Variants in HHLA1 observed in about 807,000 individuals in gnomAD.
HHLA1 encodes HERV-H LTR-associating protein 1.
HHLA1 carries 72 observed loss-of-function variants against 69.9 expected under a neutral mutation model. The ratio of observed to expected loss-of-function variants is 1.03; its 90% confidence interval spans 0.85 to 1.25. HHLA1 has a LOEUF of 1.25. Among genes scored for constraint, HHLA1 ranks in the 50% most tolerant of loss-of-function variants. The probability of loss-of-function intolerance (pLI) is 0.00; values close to 1 mark genes in which losing one functional copy is unlikely to be tolerated. For missense variants in HHLA1, 685 were observed against 642.2 expected (o/e 1.07, Z -0.72); for synonymous variants, 252 against 233.2 (o/e 1.08, Z -0.73).
intron 1 of HHLA1, among the ~76,000 whole-genome samples, chr8:132,106,359 A>G (rs1824201790): frequency 6.6e-6 from 1 of 152,218 alleles, no homozygotes; most frequent in Non-Finnish European, 1.5e-5. Context: ...TCCCAGAAAC[A>G]TTTAAATAGC....
intron 11 of HHLA1, among the ~76,000 whole-genome samples, chr8:132,078,826 A>T (rs895822845): frequency 1.3e-5 from 2 of 152,202 alleles, no homozygotes; most frequent in African/African-American, 4.8e-5. Context: ...AATTCTGATG[A>T]CTGAATGAAT....
intron 15 of HHLA1, among the ~76,000 whole-genome samples, chr8:132,070,583 TATCTC>T (rs1823516055): frequency 6.6e-6 from 1 of 151,588 alleles, no homozygotes; most frequent in South Asian, 2.1e-4. Context: ...CAATTCAACT[TATCTC>T]AACTCAACTC....
At chr8:132,077,642 C>T in intron 12 of HHLA1, 84 bp downstream of exon 12, 1 of 1,400,130 alleles carries the variant, frequency 7.1e-7, no homozygotes, top group African/African-American at 1.4e-5. Context: ...GTATTATATT[C>T]CAAAAATTTA....
At position 132,077,963 on chromosome 8, in the gene HHLA1, T is replaced by A. The variant is rs766497069; in HGVS notation, c.934A>T (p.Arg312Trp). The change falls in exon 12 of 17, where the codon AGG (arginine) becomes TGG (tryptophan). Residue 312 changes from arginine (R) to tryptophan (W), a missense_variant. Physicochemically the swap from Arg to Trp is moderately radical, Grantham distance 101. Coordinates refer to ENST00000414222, the MANE Select transcript of HHLA1 (RefSeq NM_001145095.3). ...GTCAACCACTGAGTTCTGGCCACCC[T>A]CCTGGTAGCTGCACATTCAAAGTGA... The part of the protein sequence containing the change: ...SHTLPALATR[R>W]VARTQWLTAD... 1.9e-6 allele frequency: 3 copies of A among 1,551,500 alleles called. No individual in the cohort carries two copies. The African/African-American group carries it at 4.1e-5, about 21-fold the overall frequency.
intron 15 of HHLA1, among the ~76,000 whole-genome samples, chr8:132,071,013 C>A (rs1016919056): frequency 1.3e-5 from 2 of 152,090 alleles, no homozygotes; most frequent in East Asian, 1.9e-4. Flanking sequence ...CAACTCAACT[C>A]ATCTCAACTC....
chr8:132,087,836 G>A lies in HHLA1; in HGVS notation c.589+9C>T, dbSNP rs1171651811. ...CAGAGAGCTTGTCAAAGAATGTCTA[G>A]TGGTTTACCTGACTTTCCTGTCATC... On this transcript the variant is annotated intron_variant, in intron 9 of 16. Coordinates refer to ENST00000414222, the MANE Select transcript of HHLA1 (RefSeq NM_001145095.3). 2 of 1,550,720 alleles carry A rather than the reference G, an allele frequency of 1.3e-6. No homozygotes were observed. Among genetic ancestry groups the A allele is most frequent in the South Asian group, 2.4e-5 (2 of 84,040 alleles).
intron 1 of HHLA1, among the ~76,000 whole-genome samples, chr8:132,108,938 C>T (rs369662402): frequency 4.6e-5 from 7 of 152,220 alleles, no homozygotes; most frequent in Non-Finnish European, 7.3e-5. Flanking sequence ...CTCCACAAAT[C>T]GGTCACCTTA....
chr8:132,090,196 A>G (rs1211390341), intron 7 of HHLA1, among the ~76,000 whole-genome samples: 2 of 152,226 alleles, frequency 1.3e-5, no homozygotes, highest in South Asian at 4.1e-4. Context: ...TTCAGGTTAT[A>G]GAATCATTGT....
intron 10 of HHLA1, among the ~76,000 whole-genome samples, chr8:132,086,393 T>G (rs1237476514): frequency 6.6e-6 from 1 of 152,224 alleles, no homozygotes; most frequent in Non-Finnish European, 1.5e-5. Flanking sequence ...TTCCTCTCTC[T>G]GTGCTACTTG....
Position 132,089,530 on chromosome 8 carries a change from G to A in HHLA1, c.518C>T (p.Thr173Ile). ...TSYLTEIFKS[T>I]SILSVNQSNE... ...GATGAACACACCTGAGAGGATGGAG[G>A]TTGACTTAAAAATCTCTGTGAGGTA... is the stretch of plus-strand genomic sequence containing the variant. The change falls in exon 8 of 17, where the codon ACC becomes ATC. Residue 173 changes from threonine to isoleucine, a missense_variant. Thr to Ile is a moderately conservative substitution (Grantham distance 89). Transcript: ENST00000414222. 6.6e-7 allele frequency: 1 copy of A among 1,514,892 alleles called. No homozygotes were observed. The highest frequency in any genetic ancestry group is 1.7e-4 in the Middle Eastern group (1 of 5,924). The allele number at this position is 1,514,892 out of a possible 1,614,324, so 93.8% of individuals were successfully genotyped here. A position where few individuals can be genotyped will look rare whatever the true frequency, so the allele number is the denominator to read the frequency against.
intron 7 of HHLA1, among the ~76,000 whole-genome samples, chr8:132,089,861 C>A (rs1196305617): frequency 6.6e-6 from 1 of 152,198 alleles, no homozygotes; most frequent in Non-Finnish European, 1.5e-5. Context: ...TCTCTGCTAA[C>A]ATCTAAGAGC....
intron 2 of HHLA1, 60 bp downstream of exon 2, chr8:132,105,127 C>G: frequency 7.8e-7 from 1 of 1,283,782 alleles, no homozygotes; most frequent in Non-Finnish European, 1.1e-6. Flanking sequence ...CTCTAAAGCA[C>G]AGTGAATACT....
chr8:132,090,678 G>A (rs1180413492), intron 7 of HHLA1, among the ~76,000 whole-genome samples: 2 of 151,822 alleles, frequency 1.3e-5, no homozygotes, highest in African/African-American at 2.4e-5. Context: ...CACCTATGCA[G>A]TATGTAGTAT....
intron 1 of HHLA1, among the ~76,000 whole-genome samples, chr8:132,107,080 T>G (rs1224632187): frequency 1.3e-5 from 2 of 152,186 alleles, no homozygotes; most frequent in Admixed American, 6.5e-5. Context: ...TTCTCTTATC[T>G]TTCTCTCTTT....
At chr8:132,079,200 G>A (rs901489725) in intron 11 of HHLA1, among the ~76,000 whole-genome samples, 4 of 152,204 alleles carry the variant, frequency 2.6e-5, no homozygotes, top group Non-Finnish European at 4.4e-5. Flanking sequence ...GGTCATTGGC[G>A]GCAGCTTTCC....
rs1454930051 is a variant in HHLA1, at chr8:132,077,707, A to G, written c.1171+19T>C. 3 of 1,549,708 alleles carry G rather than the reference A, an allele frequency of 1.9e-6. No individual in the cohort carries two copies. Among genetic ancestry groups the G allele is most frequent in the Non-Finnish European group, 2.6e-6 (3 of 1,145,450 alleles). On this transcript the variant is annotated intron_variant, in intron 12 of 16. Transcript: ENST00000414222. Reference sequence around the variant, plus strand: ...TTTAATTTAAAACGGGAGAGGTAGAAGTGAGCACCCTCTCTTACCCAAGGT... The same window carrying G: ...TTTAATTTAAAACGGGAGAGGTAGAGGTGAGCACCCTCTCTTACCCAAGGT...
At chr8:132,095,679 C>T in intron 6 of HHLA1, 24 bp downstream of exon 6, 1 of 1,546,658 alleles carries the variant, frequency 6.5e-7, no homozygotes, top group African/African-American at 1.4e-5. Context: ...CCACCACCAT[C>T]AAGAAGAGCC....
chr8:132,105,550 T>C (rs1824190433), intron 1 of HHLA1, among the ~76,000 whole-genome samples: 2 of 152,238 alleles, frequency 1.3e-5, no homozygotes, highest in African/African-American at 4.8e-5. Flanking sequence ...CCCCAGTTAA[T>C]GGAGTTCCAC....
intron 10 of HHLA1, among the ~76,000 whole-genome samples, chr8:132,084,822 AATAAGGGATTGGGGCACAGAG>A (rs1262321262): frequency 1.3e-5 from 2 of 151,718 alleles, no homozygotes; most frequent in Admixed American, 6.6e-5. Flanking sequence ...GGGGCACAGA[AATAAGGGATTGGGGCACAGAG>A]ATAAGAGGTT....
Sources: allele counts gnomAD v4.1 joint callset (sites outside exome capture counted in the v4.1 genomes callset), GRCh38; gene constraint gnomAD v4.1.1; transcripts MANE v1.5; gene names NCBI Gene and HGNC (gene_info 2026-07-23, HGNC 2026-07-21).